The following VPS39 variants were observed in gnomAD, a reference collection of about 807,000 sequenced individuals.
VPS39 encodes the protein vam6/Vps39-like protein.
In VPS39, 70 loss-of-function variants were observed where a neutral mutation model predicts 121.0. The ratio of observed to expected loss-of-function variants is 0.58; its 90% CI spans 0.48 to 0.71. The LOEUF is 0.71. Among genes scored for constraint, VPS39 ranks in the 30% least tolerant of loss-of-function variants. VPS39 has a pLI of 0.00. For synonymous variants in VPS39, 378 were observed against 398.1 expected, an observed-to-expected ratio of 0.95 and a Z score of 0.60; for missense variants, 818 against 1,051.5, an observed-to-expected ratio of 0.78 and a Z score of 3.07.
chr15:42,167,352 G>C, intron 13 of VPS39, 42 bp downstream of exon 13: 1 of 1,609,586 alleles, frequency 6.2e-7, no homozygotes, highest in Non-Finnish European at 8.5e-7. Context: ...AGACTGTCAG[G>C]GTAACTGGGA....
rs144241786 is a variant in VPS39 at position 42,169,410 on chromosome 15, C to T, written c.1233+314G>A. Among the ~76,000 whole-genome samples the T allele has an allele frequency of 2.6e-5, 4 of 152,230 alleles. No homozygotes were observed. The East Asian group carries it at 7.7e-4, about 29-fold the overall frequency. ...ATTTTCCCCAAAACCATGTATATTA[C>T]AAAAAGTTTGTTTTAAAAAAACTTG... On this transcript the variant is annotated intron_variant, in intron 12 of 24. Coordinates refer to ENST00000318006, the MANE Select transcript of VPS39 (RefSeq NM_015289.5).
intron 2 of VPS39, among the ~76,000 whole-genome samples, chr15:42,199,359 C>T (rs1054128133): frequency 1.3e-5 from 2 of 152,168 alleles, no homozygotes; most frequent in Middle Eastern, 3.4e-3. Context: ...TGCATCCACC[C>T]CAACAACTTT....
chr15:42,172,951 A>G (rs1484281814), intron 11 of VPS39, among the ~76,000 whole-genome samples: 1 of 152,224 alleles, frequency 6.6e-6, no homozygotes, highest in Non-Finnish European at 1.5e-5. Context: ...GGAATGGTGG[A>G]AAAAAGGCAA....
At chr15:42,198,062 T>G (rs1295048248) in intron 2 of VPS39, among the ~76,000 whole-genome samples, 1 of 152,156 alleles carries the variant, frequency 6.6e-6, no homozygotes, top group Admixed American at 6.5e-5. Context: ...TTGTCAAAGG[T>G]GACATGATAA....
chr15:42,184,871 C>T (rs919044593), intron 7 of VPS39, among the ~76,000 whole-genome samples, 171 bp from the exon 8 acceptor site: 6 of 152,184 alleles, frequency 3.9e-5, no homozygotes, highest in Admixed American at 6.5e-5. Flanking sequence ...ATGTAAAACC[C>T]GTTCTCTAAT....
intron 2 of VPS39, among the ~76,000 whole-genome samples, chr15:42,196,669 AAAC>A (rs2049946318): frequency 6.6e-6 from 1 of 152,154 alleles, no homozygotes; most frequent in Admixed American, 6.5e-5. Flanking sequence ...AAAAGTCAGG[AAAC>A]AACAGGTGCT....
chr15:42,189,004 T>C, intron 5 of VPS39, 110 bp downstream of exon 5: 2 of 774,990 alleles, frequency 2.6e-6, no homozygotes, highest in Non-Finnish European at 4.4e-6. Flanking sequence ...TTGGAGTCTC[T>C]GTTGGGTATG....
intron 1 of VPS39, among the ~76,000 whole-genome samples, chr15:42,203,887 C>T (rs570284805): frequency 6.6e-6 from 1 of 152,300 alleles, no homozygotes; most frequent in African/African-American, 2.4e-5. Flanking sequence ...ATGGACAGTG[C>T]CTTCTGAGAC....
chr15:42,169,740 A>G lies in VPS39; in HGVS notation c.1217T>C (p.Ile406Thr), dbSNP rs2049311160. 1 of 1,614,000 alleles carries G rather than the reference A, an allele frequency of 6.2e-7. No individual in the cohort carries two copies. The change falls in exon 12 of 25, where the codon ATT becomes ACT. Residue 406 changes from isoleucine (I) to threonine (T), a missense_variant. Coordinates refer to ENST00000318006, the MANE Select transcript of VPS39 (RefSeq NM_015289.5). ...AELEKAHLAL[I>T]DYLTQKRSQL... ...TATACCTACCTGTGTCAGGTAGTCA[A>G]TCAGAGCTAAGTGAGCCTTCTCCAA...
intron 5 of VPS39, among the ~76,000 whole-genome samples, chr15:42,188,486 T>G (rs1370926496): frequency 6.6e-6 from 1 of 152,162 alleles, no homozygotes; most frequent in Non-Finnish European, 1.5e-5. Context: ...ATTTAATGTC[T>G]TATAATTATC....
intron 3 of VPS39, 95 bp downstream of exon 3, chr15:42,191,401 G>C (rs2049824865): frequency 5.4e-6 from 7 of 1,303,022 alleles, no homozygotes; most frequent in African/African-American, 1.5e-5. Flanking sequence ...AAAGAGAAGA[G>C]GATTCAGAGT....
intron 4 of VPS39, 101 bp from the exon 5 acceptor site, chr15:42,189,309 C>A: frequency 1.2e-6 from 1 of 834,492 alleles, no homozygotes; most frequent in Non-Finnish European, 2.0e-6. Flanking sequence ...CTAGAAGAAG[C>A]AAATGGCAGA....
In VPS39 at chr15:42,208,255, AG is replaced by A; in HGVS notation, c.-103del. 1.4e-6 allele frequency: 2 copies of A among 1,458,272 alleles called. No homozygotes were observed. Among genetic ancestry groups the A allele is most frequent in the Non-Finnish European group, 1.9e-6 (2 of 1,077,000 alleles). 90.3% of individuals were successfully genotyped at this position (1,458,272 alleles called of 1,614,324 possible). A position where few individuals can be genotyped will look rare whatever the true frequency, so the allele number is the denominator to read the frequency against. The stretch of plus-strand genomic sequence containing the variant: ...GCTAAGGGTAGACCGGGATCCGGCC[AG>A]GAACCCCCCGGCTACAGGCCCTTCA... On this transcript the variant is annotated 5_prime_UTR_variant, in exon 1 of 25. Coordinates refer to ENST00000318006, the MANE Select transcript of VPS39 (RefSeq NM_015289.5).
intron 1 of VPS39, among the ~76,000 whole-genome samples, chr15:42,203,728 CT>C (rs1363456929): frequency 6.6e-6 from 1 of 152,306 alleles, no homozygotes; most frequent in East Asian, 1.9e-4. Context: ...TCTCTGTAAA[CT>C]TTTAAATCAA....
chr15:42,161,822 G>C (rs764057321), intron 23 of VPS39, 49 bp from the exon 24 acceptor site: 7 of 1,606,316 alleles, frequency 4.4e-6, no homozygotes, highest in Non-Finnish European at 3.4e-6. Context: ...GTGGCACCCA[G>C]AAACAGGAGG....
intron 15 of VPS39, 141 bp downstream of exon 15, chr15:42,166,421 AC>A (rs1187654142): frequency 6.9e-6 from 8 of 1,159,710 alleles, no homozygotes; most frequent in Middle Eastern, 4.0e-4. Flanking sequence ...CCACCGAGGG[AC>A]TTTTATGCCA....
At chr15:42,176,809 G>A (rs1221968672) in intron 10 of VPS39, among the ~76,000 whole-genome samples, 1 of 152,052 alleles carries the variant, frequency 6.6e-6, no homozygotes, top group African/African-American at 2.4e-5. Flanking sequence ...ATAGTTTACA[G>A]GATACTCTAG....
At chr15:42,171,416 C>T (rs1455238348) in intron 11 of VPS39, among the ~76,000 whole-genome samples, 1 of 152,176 alleles carries the variant, frequency 6.6e-6, no homozygotes, top group Non-Finnish European at 1.5e-5. Context: ...ATACAGCAGC[C>T]TGCACTCAGT....
chr15:42,190,243 T>C (rs1409746949), intron 4 of VPS39, among the ~76,000 whole-genome samples: 1 of 152,214 alleles, frequency 6.6e-6, no homozygotes, highest in Non-Finnish European at 1.5e-5. Flanking sequence ...CCTGTGCATT[T>C]TGTACTAACC....
Sources: allele counts gnomAD v4.1 joint callset (sites outside exome capture counted in the v4.1 genomes callset), GRCh38; gene constraint gnomAD v4.1.1; transcripts MANE v1.5; gene names NCBI Gene and HGNC (gene_info 2026-07-23, HGNC 2026-07-21).